ROBO2: variants seen among roughly 807,000 people sequenced by gnomAD.
The protein encoded by ROBO2 is roundabout guidance receptor 2, also known as roundabout homolog 2.
Under a neutral mutation model 160.8 loss-of-function variants are expected in ROBO2, and 53 were observed. The observed-to-expected ratio is 0.33, with a 90% CI of 0.26 to 0.41. The LOEUF is 0.41. Among genes scored for constraint, ROBO2 ranks in the 10% least tolerant of loss-of-function variants. The pLI is 1.00. For missense variants in ROBO2, 1,577 were observed against 1,722.4 expected (o/e 0.92, Z 1.49); for synonymous variants, 664 against 611.7 (o/e 1.09, Z -1.26).
At chr3:76,847,664 A>T (rs773310107) in intron 2 of ROBO2, among the ~76,000 whole-genome samples, 1 of 151,988 alleles carries the variant, frequency 6.6e-6, no homozygotes, top group Non-Finnish European at 1.5e-5. Flanking sequence ...GATAATCTCA[A>T]CTCGGCATTG....
At chr3:77,139,225 TA>T (rs996632844) in intron 2 of ROBO2, among the ~76,000 whole-genome samples, 2 of 151,962 alleles carry the variant, frequency 1.3e-5, no homozygotes, top group Admixed American at 6.6e-5. Flanking sequence ...ATTCCCTGAT[TA>T]AAAAAAATTG....
intron 1 of ROBO2, among the ~76,000 whole-genome samples, chr3:75,930,333 C>A (rs1036646144): frequency 9.2e-5 from 14 of 152,076 alleles, no homozygotes; most frequent in African/African-American, 3.4e-4. Flanking sequence ...GCTGCTGCTC[C>A]CTCACAATCC....
chr3:76,072,545 C>A (rs756963015), intron 2 of ROBO2, among the ~76,000 whole-genome samples: 26 of 151,928 alleles, frequency 1.7e-4, no homozygotes, highest in Non-Finnish European at 2.5e-4. Flanking sequence ...GAAACTTATA[C>A]TAAATTAAAG....
chr3:77,269,448 G>T (rs1044899898), intron 2 of ROBO2, among the ~76,000 whole-genome samples: 2 of 151,988 alleles, frequency 1.3e-5, no homozygotes, highest in African/African-American at 4.8e-5. Context: ...TTTTCCACAT[G>T]GGCTTTTCTT....
intron 2 of ROBO2, among the ~76,000 whole-genome samples, chr3:77,461,285 G>C (rs1481913111): frequency 1.3e-5 from 2 of 151,842 alleles, no homozygotes; most frequent in Non-Finnish European, 2.9e-5. Context: ...TTACAGTAAT[G>C]AAGCTGTTAC....
intron 23 of ROBO2, chr3:77,632,814 C>G (rs2095193378): frequency 1.9e-6 from 1 of 531,758 alleles, no homozygotes; most frequent in Admixed American, 3.7e-5. Flanking sequence ...AAACTCTCTT[C>G]TGATGCTAGT....
chr3:76,319,194 GAA>G (rs1220974640), intron 2 of ROBO2, among the ~76,000 whole-genome samples: 1 of 151,998 alleles, frequency 6.6e-6, no homozygotes, highest in Non-Finnish European at 1.5e-5. Context: ...TTTAAGAAAT[GAA>G]AACAAAGGAT....
intron 2 of ROBO2, among the ~76,000 whole-genome samples, chr3:76,627,123 C>A (rs2089701764): frequency 6.6e-6 from 1 of 152,152 alleles, no homozygotes; most frequent in South Asian, 2.1e-4. Flanking sequence ...CAAAATATTT[C>A]TCATACTTTC....
At position 76,785,692 on chromosome 3, in the gene ROBO2, T is replaced by A. The variant is rs542614240; in HGVS notation, c.110-312322T>A. On this transcript the variant is annotated intron_variant, in intron 2 of 26. Transcript: ENST00000487694. ...ATGATGTTTTCATGGTCTGTTTACA[T>A]ATGACACTATCCATATTCATAATTT... Among the ~76,000 whole-genome samples, 3 of 151,378 alleles carry A rather than the reference T, an allele frequency of 2.0e-5. No homozygotes were observed. The East Asian group carries it at 5.9e-4, about 30-fold the overall frequency.
At chr3:76,602,042 C>A (rs974638472) in intron 2 of ROBO2, among the ~76,000 whole-genome samples, 1 of 152,166 alleles carries the variant, frequency 6.6e-6, no homozygotes, top group Non-Finnish European at 1.5e-5. Context: ...CCACCAGTCT[C>A]TTTGCTAAAA....
At position 76,673,129 on chromosome 3, in the gene ROBO2, T is replaced by TACTAAAACAGTAATGCTTTAGTAAC. The variant is rs534152285; in HGVS notation, c.110-424871_110-424847dup. Among the ~76,000 whole-genome samples, 1,418 of 152,222 alleles carry TACTAAAACAGTAATGCTTTAGTAAC rather than the reference T, an allele frequency of 9.3e-3. 16 individuals carry two copies. The highest frequency in any genetic ancestry group is 0.031 in the African/African-American group (1,297 of 41,512). ...TGTCTGTGTCTTTCTCAAGGCCATT[T>TACTAAAACAGTAATGCTTTAGTAAC]ACTAAAACAGTAATGCTTTAGTAAC... On this transcript the variant is annotated intron_variant, in intron 2 of 26. Transcript: ENST00000487694.
intron 2 of ROBO2, among the ~76,000 whole-genome samples, chr3:76,666,818 T>C (rs566652972): frequency 6.6e-6 from 1 of 152,284 alleles, no homozygotes; most frequent in East Asian, 1.9e-4. Flanking sequence ...ATTACATTTA[T>C]TTTTAAAGCT....
At chr3:76,072,856 G>A (rs543955014) in intron 2 of ROBO2, among the ~76,000 whole-genome samples, 20 of 152,158 alleles carry the variant, frequency 1.3e-4, no homozygotes, top group Non-Finnish European at 2.6e-4. Context: ...GTACTAAGAA[G>A]TACAAAGTTG....
At chr3:77,327,336 T>C (rs1437201492) in intron 2 of ROBO2, among the ~76,000 whole-genome samples, 1 of 152,156 alleles carries the variant, frequency 6.6e-6, no homozygotes, top group Admixed American at 6.5e-5. Context: ...GTGTATGTCA[T>C]TTCGAGGGTC....
intron 2 of ROBO2, among the ~76,000 whole-genome samples, chr3:75,964,767 T>C (rs1949044394): frequency 6.6e-6 from 1 of 151,646 alleles, no homozygotes; most frequent in Non-Finnish European, 1.5e-5. Flanking sequence ...TGCATTCTTA[T>C]CATGAAATAT....
At chr3:76,212,331 T>C (rs1019572972) in intron 2 of ROBO2, among the ~76,000 whole-genome samples, 13 of 152,084 alleles carry the variant, frequency 8.5e-5, no homozygotes, top group African/African-American at 2.6e-4. Flanking sequence ...CAAATATAAT[T>C]GAAAACAATT....
chr3:77,096,544 G>A (rs2071088848), intron 1 of ROBO2, among the ~76,000 whole-genome samples: 1 of 151,372 alleles, frequency 6.6e-6, no homozygotes, highest in South Asian at 2.1e-4. Flanking sequence ...TGCTTCCTGA[G>A]TTCAAACGAT....
At chr3:76,616,556 A>G (rs7639795) in intron 2 of ROBO2, among the ~76,000 whole-genome samples, 114,622 of 152,102 alleles carry the variant, frequency 0.75, 43,820 homozygotes, top group South Asian at 0.91. Flanking sequence ...AACAGTTATG[A>G]CTTATTTCTG....
intron 2 of ROBO2, among the ~76,000 whole-genome samples, chr3:76,533,399 A>G (rs2082328896): frequency 6.6e-6 from 1 of 152,234 alleles, no homozygotes; most frequent in Non-Finnish European, 1.5e-5. Context: ...CTTAAAAAGT[A>G]CTTTTCTTTT....
Sources: allele counts gnomAD v4.1 joint callset (sites outside exome capture counted in the v4.1 genomes callset), GRCh38; gene constraint gnomAD v4.1.1; transcripts MANE v1.5; gene names NCBI Gene and HGNC (gene_info 2026-07-23, HGNC 2026-07-21).